Variants in ERBB4 observed in about 807,000 individuals in gnomAD.
ERBB4 encodes erb-b2 receptor tyrosine kinase 4.
Under a neutral mutation model 158.0 loss-of-function variants are expected in ERBB4, and 42 were observed. The observed-to-expected ratio is 0.27, with a 90% CI of 0.21 to 0.34. ERBB4 has a LOEUF of 0.34. Ranked by LOEUF, ERBB4 falls within the 10% of genes least tolerant of loss-of-function variation. The pLI is 1.00. For synonymous variants in ERBB4, 583 were observed against 558.7 expected (o/e 1.04, Z -0.61); for missense variants, 1,333 against 1,624.1 (o/e 0.82, Z 3.08).
chr2:211,941,591 T>G (rs1422816111), intron 3 of ERBB4, among the ~76,000 whole-genome samples: 3 of 151,794 alleles, frequency 2.0e-5, no homozygotes, highest in Non-Finnish European at 4.4e-5. Flanking sequence ...AGGAGAGAAG[T>G]GCTGTGAGGT....
chr2:211,819,740 G>A (rs987132954), intron 3 of ERBB4, among the ~76,000 whole-genome samples: 3 of 151,822 alleles, frequency 2.0e-5, no homozygotes, highest in Admixed American at 6.6e-5. Flanking sequence ...ATTTTTGGAA[G>A]CAATGCTAAG....
At chr2:211,567,816 G>C (rs570835184) in intron 19 of ERBB4, among the ~76,000 whole-genome samples, 1 of 148,906 alleles carries the variant, frequency 6.7e-6, no homozygotes, top group African/African-American at 2.5e-5. Context: ...AAAAGAAATA[G>C]CAGATGGCTG....
At chr2:211,540,688 C>T (rs2066781688) in intron 20 of ERBB4, among the ~76,000 whole-genome samples, 1 of 151,528 alleles carries the variant, frequency 6.6e-6, no homozygotes, top group Non-Finnish European at 1.5e-5. Context: ...CTCAGCCTCC[C>T]GAGTATAAGC....
chr2:211,700,307 T>G (rs2073187585), intron 12 of ERBB4, among the ~76,000 whole-genome samples: 1 of 152,146 alleles, frequency 6.6e-6, no homozygotes, highest in African/African-American at 2.4e-5. Context: ...GAATCAGTAA[T>G]GTGTAAAACC....
chr2:211,648,961 T>C (rs2070880523), intron 16 of ERBB4, among the ~76,000 whole-genome samples: 1 of 151,946 alleles, frequency 6.6e-6, no homozygotes, highest in African/African-American at 2.4e-5. Context: ...TTCAAATCTC[T>C]GCAGAATTTT....
chr2:212,035,835 A>G (rs2077000280), intron 2 of ERBB4, among the ~76,000 whole-genome samples: 1 of 152,208 alleles, frequency 6.6e-6, no homozygotes, highest in South Asian at 2.1e-4. Context: ...CATTCTTAGC[A>G]AAGTACCTGA....
chr2:211,725,718 TAGTAGA>T (rs1226635245), intron 5 of ERBB4, among the ~76,000 whole-genome samples: 3 of 152,226 alleles, frequency 2.0e-5, no homozygotes. Context: ...AGTAAGGTCC[TAGTAGA>T]AGGTGTCCCC....
In ERBB4 at chr2:211,713,654, T is replaced by TAAAAA; in HGVS notation, c.884-11_884-7dup. Reference sequence around the variant, plus strand: ...GGAATCTACCACAAAGTTATCTGATTAAAAAAAAAAAAAAGGTAAAATAAG... The same window carrying TAAAAA: ...GGAATCTACCACAAAGTTATCTGATTAAAAAAAAAAAAAAAAAAAGGTAAAATAAG... On this transcript the variant is annotated splice_polypyrimidine_tract_variant and splice_region_variant and intron_variant, in intron 7 of 27. Transcript: ENST00000342788. The TAAAAA allele has an allele frequency of 8.0e-7, 1 of 1,247,854 alleles. No homozygotes were observed. The highest frequency in any genetic ancestry group is 1.9e-5 in the Admixed American group (1 of 53,304). 77.3% of individuals were successfully genotyped at this position (1,247,854 alleles called of 1,614,324 possible).
At chr2:212,042,304 T>A (rs369332544) in intron 2 of ERBB4, among the ~76,000 whole-genome samples, 1 of 152,122 alleles carries the variant, frequency 6.6e-6, no homozygotes, top group East Asian at 1.9e-4. Flanking sequence ...CTTTTTTGTT[T>A]TAAAGATTAA....
chr2:212,158,454 G>T (rs113231651), intron 1 of ERBB4, among the ~76,000 whole-genome samples: 4 of 151,704 alleles, frequency 2.6e-5, no homozygotes, highest in Non-Finnish European at 5.9e-5. Flanking sequence ...TTTACCAAAA[G>T]TTCCCTACCC....
intron 1 of ERBB4, among the ~76,000 whole-genome samples, chr2:212,418,122 A>G (rs925727631): frequency 3.3e-5 from 5 of 151,978 alleles, no homozygotes; most frequent in Non-Finnish European, 7.4e-5. Flanking sequence ...AACTGTGAGA[A>G]ATAACTGTAT....
chr2:211,653,581 T>C (rs1172041810), intron 16 of ERBB4, among the ~76,000 whole-genome samples: 2 of 151,580 alleles, frequency 1.3e-5, no homozygotes, highest in African/African-American at 4.9e-5. Flanking sequence ...ATTGACATGC[T>C]CAATGTAATT....
chr2:212,194,291 T>TACACACACAC (rs5838307), intron 1 of ERBB4, among the ~76,000 whole-genome samples: 10,866 of 148,720 alleles, frequency 0.073, 427 homozygotes, highest in Middle Eastern at 0.12. Flanking sequence ...AAATAGTTTA[T>TACACACACAC]ACACACACAC....
At chr2:212,202,196 G>T (rs754865307) in intron 1 of ERBB4, among the ~76,000 whole-genome samples, 1 of 151,958 alleles carries the variant, frequency 6.6e-6, no homozygotes, top group Non-Finnish European at 1.5e-5. Flanking sequence ...ATGGTGGTGC[G>T]AAATTTTATA....
At chr2:212,318,513 A>G (rs1400806602) in intron 1 of ERBB4, among the ~76,000 whole-genome samples, 2 of 141,144 alleles carry the variant, frequency 1.4e-5, no homozygotes, top group African/African-American at 5.0e-5. Context: ...GTTAGTCTCT[A>G]TAGAAAGAGA....
chr2:212,297,833 TAA>T lies in ERBB4; in HGVS notation c.83-172932_83-172931del, dbSNP rs543444543. The stretch of plus-strand genomic sequence containing the variant: ...ATAGCAATGAGTCCATTATTTATTA[TAA>T]AGATATTTTTGACCAAACTTCCTCA... On this transcript the variant is annotated intron_variant, in intron 1 of 27. Coordinates refer to ENST00000342788, the MANE Select transcript of ERBB4 (RefSeq NM_005235.3). Among the ~76,000 whole-genome samples the T allele has an allele frequency of 2.6e-5, 4 of 151,792 alleles. No individual in the cohort carries two copies. In the South Asian group the frequency reaches 8.3e-4, roughly 32 times the overall value.
intron 20 of ERBB4, among the ~76,000 whole-genome samples, chr2:211,452,486 A>G (rs1308689636): frequency 6.6e-6 from 1 of 152,058 alleles, no homozygotes; most frequent in Non-Finnish European, 1.5e-5. Flanking sequence ...AATAAACTCT[A>G]TTTCTAAATG....
At chr2:211,976,181 C>T (rs2081600793) in intron 2 of ERBB4, among the ~76,000 whole-genome samples, 1 of 151,786 alleles carries the variant, frequency 6.6e-6, no homozygotes, top group Admixed American at 6.6e-5. Flanking sequence ...AATTTTATAT[C>T]CAAGCTGAAT....
intron 5 of ERBB4, among the ~76,000 whole-genome samples, chr2:211,749,780 G>A (rs781629568): frequency 6.6e-6 from 1 of 152,036 alleles, no homozygotes; most frequent in East Asian, 1.9e-4. Context: ...ATATTTGTAT[G>A]TTTGAATCTT....
Sources: allele counts gnomAD v4.1 joint callset (sites outside exome capture counted in the v4.1 genomes callset), GRCh38; gene constraint gnomAD v4.1.1; transcripts MANE v1.5; gene names NCBI Gene and HGNC (gene_info 2026-07-23, HGNC 2026-07-21).